Variants in PTPRK observed in about 807,000 individuals in gnomAD.
The protein encoded by PTPRK is receptor-type tyrosine-protein phosphatase kappa.
A neutral mutation model predicts 178.0 loss-of-function variants in PTPRK; 75 were observed. That is an observed-to-expected ratio of 0.42 (90% CI 0.35 to 0.51). The LOEUF (loss-of-function observed/expected upper bound fraction) is 0.51, where lower values mean the gene tolerates loss of function less well. Among genes scored for constraint, PTPRK ranks in the 20% least tolerant of loss-of-function variants. The pLI is 0.02. For synonymous variants in PTPRK, 637 were observed against 620.6 expected (o/e 1.03, Z -0.39); for missense variants, 1,441 against 1,797.8 (o/e 0.80, Z 3.59).
intron 7 of PTPRK, among the ~76,000 whole-genome samples, chr6:128,182,613 A>G (rs1199522340): frequency 6.6e-6 from 1 of 152,162 alleles, no homozygotes; most frequent in East Asian, 1.9e-4. Context: ...TCCCTCTCAC[A>G]TAGATAGGGC....
chr6:128,139,129 C>T (rs896678484), intron 7 of PTPRK, among the ~76,000 whole-genome samples: 2 of 151,970 alleles, frequency 1.3e-5, no homozygotes, highest in South Asian at 4.1e-4. Context: ...AGTTTATGAT[C>T]TGGTCAGAAA....
intron 3 of PTPRK, among the ~76,000 whole-genome samples, chr6:128,252,960 C>T (rs765887199): frequency 4.6e-5 from 7 of 152,248 alleles, no homozygotes; most frequent in Admixed American, 3.9e-4. Flanking sequence ...CACTAAAGCC[C>T]CTTTCCATAA....
chr6:128,133,493 TAA>T (rs1390958118), intron 7 of PTPRK, among the ~76,000 whole-genome samples: 28 of 152,202 alleles, frequency 1.8e-4, no homozygotes, highest in African/African-American at 6.8e-4. Flanking sequence ...ACATTCAATT[TAA>T]GTTTACATGT....
At chr6:128,172,185 A>G (rs2114649705) in intron 7 of PTPRK, among the ~76,000 whole-genome samples, 1 of 152,128 alleles carries the variant, frequency 6.6e-6, no homozygotes, top group Non-Finnish European at 1.5e-5. Context: ...TAAGGACTGG[A>G]ACAGCTTAGG....
chr6:128,455,292 T>C (rs1020279367), intron 1 of PTPRK, among the ~76,000 whole-genome samples: 3 of 152,182 alleles, frequency 2.0e-5, no homozygotes, highest in East Asian at 1.9e-4. Context: ...ATTTGCTGAT[T>C]TGAAATCTCA....
chr6:128,071,594 C>T (rs1373180376), intron 11 of PTPRK, among the ~76,000 whole-genome samples: 3 of 151,958 alleles, frequency 2.0e-5, no homozygotes, highest in African/African-American at 7.2e-5. Flanking sequence ...TCTCTAGTGG[C>T]ATTTTACTCT....
At chr6:127,991,660 T>C (rs1043524987) in intron 19 of PTPRK, among the ~76,000 whole-genome samples, 1 of 151,368 alleles carries the variant, frequency 6.6e-6, no homozygotes, top group Non-Finnish European at 1.5e-5. Flanking sequence ...TGGGTATTTA[T>C]ATTTGTCACT....
intron 7 of PTPRK, among the ~76,000 whole-genome samples, chr6:128,095,546 A>G (rs1344306032): frequency 2.0e-5 from 3 of 152,200 alleles, no homozygotes; most frequent in Non-Finnish European, 4.4e-5. Context: ...ACAGAAACTA[A>G]GAACCCATGA....
chr6:128,271,675 A>T (rs2128297738), intron 3 of PTPRK, among the ~76,000 whole-genome samples: 1 of 152,116 alleles, frequency 6.6e-6, no homozygotes, highest in Admixed American at 6.6e-5. Context: ...CTAGCAGCAC[A>T]CTGGTGTTCT....
chr6:128,146,413 T>C (rs1301235758), intron 7 of PTPRK, among the ~76,000 whole-genome samples: 1 of 150,420 alleles, frequency 6.6e-6, no homozygotes, highest in Non-Finnish European at 1.5e-5. Flanking sequence ...TGTTTATGTG[T>C]GTGTGTGTTT....
chr6:128,181,769 G>T (rs537587386), intron 7 of PTPRK, among the ~76,000 whole-genome samples: 1 of 152,022 alleles, frequency 6.6e-6, no homozygotes, highest in African/African-American at 2.4e-5. Context: ...TTGGGGAAAG[G>T]TAAATGGATC....
At chr6:128,347,420 C>A (rs1016825659) in intron 2 of PTPRK, among the ~76,000 whole-genome samples, 1 of 152,194 alleles carries the variant, frequency 6.6e-6, no homozygotes, top group South Asian at 2.1e-4. Context: ...AAATTAATTG[C>A]AGGACCTTAG....
intron 5 of PTPRK, among the ~76,000 whole-genome samples, chr6:128,232,865 C>T (rs1812537050): frequency 6.6e-6 from 1 of 152,210 alleles, no homozygotes; most frequent in African/African-American, 2.4e-5. Flanking sequence ...CACGTCCAGA[C>T]ATTAGAGCAA....
intron 7 of PTPRK, among the ~76,000 whole-genome samples, chr6:128,091,666 C>A (rs1398045579): frequency 6.6e-6 from 1 of 152,134 alleles, no homozygotes; most frequent in East Asian, 1.9e-4. Context: ...GAGAGAAACA[C>A]CACAAATATT....
intron 11 of PTPRK, among the ~76,000 whole-genome samples, chr6:128,078,142 G>A (rs1428762508): frequency 2.0e-5 from 3 of 151,920 alleles, no homozygotes; most frequent in African/African-American, 7.2e-5. Context: ...GACGTGAAAT[G>A]AAATGGGACT....
chr6:128,081,134 T>C (rs1220223773), intron 10 of PTPRK, among the ~76,000 whole-genome samples: 1 of 152,176 alleles, frequency 6.6e-6, no homozygotes, highest in East Asian at 1.9e-4. Flanking sequence ...TACTCAATTA[T>C]AGCACTGCTG....
intron 3 of PTPRK, among the ~76,000 whole-genome samples, chr6:128,291,232 G>A (rs554819813): frequency 7.0e-4 from 106 of 152,180 alleles, no homozygotes; most frequent in African/African-American, 2.4e-3. Flanking sequence ...CCCTGCTGTC[G>A]CTGGTCTTGA....
At chr6:128,356,537 T>G (rs1192510197) in intron 2 of PTPRK, among the ~76,000 whole-genome samples, 1 of 152,194 alleles carries the variant, frequency 6.6e-6, no homozygotes, top group Non-Finnish European at 1.5e-5. Context: ...CCCTCCCCCA[T>G]GCCCTTCACG....
At chr6:128,468,445 A>G (rs539796538) in intron 1 of PTPRK, among the ~76,000 whole-genome samples, 2 of 152,248 alleles carry the variant, frequency 1.3e-5, no homozygotes, top group South Asian at 4.1e-4. Flanking sequence ...ATACAATACA[A>G]TACAATACAA....
Sources: allele counts gnomAD v4.1 joint callset (sites outside exome capture counted in the v4.1 genomes callset), GRCh38; gene constraint gnomAD v4.1.1; transcripts MANE v1.5; gene names NCBI Gene and HGNC (gene_info 2026-07-23, HGNC 2026-07-21).